The following SHB variants were observed in gnomAD, a reference collection of about 807,000 sequenced individuals.
SHB encodes SH2 domain-containing adapter protein B.
In SHB, 20 loss-of-function variants were observed where a neutral mutation model predicts 52.3. The observed-to-expected ratio is 0.38, with a 90% CI of 0.27 to 0.56. SHB has a LOEUF of 0.56. Among genes scored for constraint, SHB ranks in the 20% least tolerant of loss-of-function variants. SHB has a pLI of 0.71. For missense variants in SHB, 825 were observed against 723.3 expected, an observed-to-expected ratio of 1.14 and a Z score of -1.61; for synonymous variants, 397 against 316.5, an observed-to-expected ratio of 1.25 and a Z score of -2.70.
chr9:38,004,331 G>A (rs1821054732), intron 2 of SHB, among the ~76,000 whole-genome samples: 1 of 152,224 alleles, frequency 6.6e-6, no homozygotes. Flanking sequence ...GGAGCCTGAA[G>A]CATGCAGAGG....
chr9:38,067,390 C>G (rs993333666), intron 1 of SHB, among the ~76,000 whole-genome samples: 2 of 152,080 alleles, frequency 1.3e-5, no homozygotes, highest in Non-Finnish European at 2.9e-5. Context: ...ATTTGGAAAC[C>G]TAGAGCTGGG....
At chr9:38,027,165 C>T (rs10973644) in intron 1 of SHB, among the ~76,000 whole-genome samples, 14,698 of 152,248 alleles carry the variant, frequency 0.097, 1,331 homozygotes, top group African/African-American at 0.23. Flanking sequence ...CAGCAGGGTC[C>T]CAGCAAGGTG....
intron 4 of SHB, among the ~76,000 whole-genome samples, chr9:37,953,294 A>C (rs1208050946): frequency 6.6e-6 from 1 of 152,142 alleles, no homozygotes; most frequent in African/African-American, 2.4e-5. Context: ...ACAGCTATTT[A>C]TTCAGCACCT....
At chr9:38,049,130 G>C (rs111522292) in intron 1 of SHB, among the ~76,000 whole-genome samples, 7 of 152,278 alleles carry the variant, frequency 4.6e-5, no homozygotes, top group African/African-American at 1.2e-4. Flanking sequence ...AAGTGATCCT[G>C]CTACCTCAGC....
chr9:38,040,518 C>A (rs1192791142), intron 1 of SHB, among the ~76,000 whole-genome samples: 1 of 152,214 alleles, frequency 6.6e-6, no homozygotes, highest in Non-Finnish European at 1.5e-5. Context: ...TGAAGAGCTA[C>A]CCCTGTCCCC....
At chr9:37,970,177 G>C (rs1820574646) in intron 3 of SHB, among the ~76,000 whole-genome samples, 2 of 152,208 alleles carry the variant, frequency 1.3e-5, no homozygotes, top group Admixed American at 1.3e-4. Flanking sequence ...AGTGGGAGTG[G>C]GGGTCTGGTG....
intron 2 of SHB, among the ~76,000 whole-genome samples, chr9:37,986,423 G>T (rs1015180259): frequency 1.1e-4 from 16 of 152,168 alleles, no homozygotes; most frequent in African/African-American, 1.2e-4. Flanking sequence ...AGCTATGGAG[G>T]ATCTGGGATG....
At chr9:37,920,127 T>C (rs150875770) in intron 5 of SHB, 123 bp from the exon 6 acceptor site, 8,694 of 747,286 alleles carry the variant, frequency 0.012, 77 homozygotes, top group Non-Finnish European at 0.015. Context: ...GCTGCACCTC[T>C]CCAAGCCAGG....
At chr9:38,055,981 T>C (rs993695198) in intron 1 of SHB, among the ~76,000 whole-genome samples, 1 of 152,170 alleles carries the variant, frequency 6.6e-6, no homozygotes, top group Non-Finnish European at 1.5e-5. Flanking sequence ...AAGCCCTAGT[T>C]AATACCTAGT....
Position 37,919,598 on chromosome 9 carries a change from G to A in SHB, c.*223C>T, listed in dbSNP as rs1209198686. 1 of 429,880 alleles carries A rather than the reference G, an allele frequency of 2.3e-6. No homozygotes were observed. Among genetic ancestry groups the A allele is most frequent in the Non-Finnish European group, 4.1e-6 (1 of 241,466 alleles). The allele number at this position is 429,880 out of a possible 1,614,324, so 26.6% of individuals were successfully genotyped here. ...TCACAGAAACTCAAGGAGAGGGTGGGGGTGGGGGCTGGGGTGGTGTGTTGC... is the reference window on the plus strand; with the variant it reads ...TCACAGAAACTCAAGGAGAGGGTGGAGGTGGGGGCTGGGGTGGTGTGTTGC... On this transcript the variant is annotated 3_prime_UTR_variant, in exon 6 of 6. Transcript: ENST00000377707.
chr9:37,920,145 C>G (rs1473190304), intron 5 of SHB, 141 bp from the exon 6 acceptor site: 2 of 658,796 alleles, frequency 3.0e-6, no homozygotes, highest in South Asian at 3.8e-5. Context: ...AGGACCGAGG[C>G]CCAGGACCAG....
intron 4 of SHB, among the ~76,000 whole-genome samples, chr9:37,954,078 G>A (rs373671815): frequency 8.5e-5 from 13 of 152,192 alleles, no homozygotes; most frequent in East Asian, 3.9e-4. Context: ...CAGGACGCAC[G>A]CCGAACATCT....
intron 3 of SHB, among the ~76,000 whole-genome samples, chr9:37,960,824 G>A (rs1006025077): frequency 6.6e-6 from 1 of 152,172 alleles, no homozygotes; most frequent in African/African-American, 2.4e-5. Context: ...AATGGGTGAG[G>A]AACGGCGGTC....
chr9:38,046,477 C>G (rs955036864), intron 1 of SHB, among the ~76,000 whole-genome samples: 6 of 152,162 alleles, frequency 3.9e-5, no homozygotes, highest in Admixed American at 6.5e-5. Context: ...GAAGCCCCCC[C>G]GGGTCCTCCT....
At position 37,974,732 on chromosome 9, in the gene SHB, G is replaced by A. The variant is rs1485777251; in HGVS notation, c.944C>T (p.Thr315Ile). The change falls in exon 3 of 6, where the codon ACA becomes ATA. Residue 315 changes from threonine to isoleucine, a missense_variant. Transcript: ENST00000377707. The part of the protein sequence containing the change: ...GQSVDSDSES[T>I]VSPRLRESKL... Reference sequence around the variant, plus strand: ...GCTCTCCCGCAGTCGGGGGCTGACTGTGCTCTCCGAGTCTGAGTCAACACT... The same window carrying A: ...GCTCTCCCGCAGTCGGGGGCTGACTATGCTCTCCGAGTCTGAGTCAACACT... 1 of 1,614,088 alleles carries A rather than the reference G, an allele frequency of 6.2e-7. No individual in the cohort carries two copies. Among genetic ancestry groups the A allele is most frequent in the Non-Finnish European group, 8.5e-7 (1 of 1,179,948 alleles).
chr9:37,939,865 A>C (rs2117865086), intron 5 of SHB, among the ~76,000 whole-genome samples: 1 of 152,346 alleles, frequency 6.6e-6, no homozygotes, highest in African/African-American at 2.4e-5. Flanking sequence ...ACAGTGTGAA[A>C]GCTGGCTATT....
chr9:38,067,965 T>A lies in SHB; in HGVS notation c.681A>T (p.Ser227=). 1 of 1,552,286 alleles carries A rather than the reference T, an allele frequency of 6.4e-7. No homozygotes were observed. The highest frequency in any genetic ancestry group is 8.6e-7 in the Non-Finnish European group (1 of 1,159,072). The change falls in exon 1 of 6, where the codon TCA becomes TCT. Residue 227 remains serine (S), a synonymous_variant. Transcript: ENST00000377707. ...TGCCGGCCCCGCTCTCCTCCGCGGCTGAGGCGGCGCACTTGTTGAGCAGTT... is the reference window on the plus strand; with the variant it reads ...TGCCGGCCCCGCTCTCCTCCGCGGCAGAGGCGGCGCACTTGTTGAGCAGTT... The part of the protein sequence containing the change: ...GKKLLNKCAA[S]AAEESGAGKK...
At chr9:37,952,523 A>C (rs1412087837) in intron 4 of SHB, among the ~76,000 whole-genome samples, 2 of 152,120 alleles carry the variant, frequency 1.3e-5, no homozygotes, top group African/African-American at 4.8e-5. Flanking sequence ...GTTTTAAGAG[A>C]TGTTACTTGC....
chr9:38,026,171 C>T (rs759617014), intron 1 of SHB, among the ~76,000 whole-genome samples: 3 of 152,220 alleles, frequency 2.0e-5, no homozygotes, highest in Non-Finnish European at 2.9e-5. Context: ...AAAACAGCAG[C>T]GCCTGTGAGC....
Sources: allele counts gnomAD v4.1 joint callset (sites outside exome capture counted in the v4.1 genomes callset), GRCh38; gene constraint gnomAD v4.1.1; transcripts MANE v1.5; gene names NCBI Gene and HGNC (gene_info 2026-07-23, HGNC 2026-07-21).